ZMAT3: variants seen among roughly 807,000 people sequenced by gnomAD.
The protein encoded by ZMAT3 is zinc finger matrin-type protein 3.
In ZMAT3, 17 loss-of-function variants were observed where a neutral mutation model predicts 32.3. The ratio of observed to expected loss-of-function variants is 0.53; its 90% CI spans 0.36 to 0.79. The LOEUF is 0.79. Ranked by LOEUF, ZMAT3 falls within the 30% of genes least tolerant of loss-of-function variation. The pLI is 0.00. For synonymous variants in ZMAT3, 120 were observed against 133.1 expected (o/e 0.90, Z 0.68); for missense variants, 329 against 359.7 (o/e 0.91, Z 0.69).
chr3:179,034,263 T>C (rs1719462533), intron 2 of ZMAT3, among the ~76,000 whole-genome samples: 1 of 152,168 alleles, frequency 6.6e-6, no homozygotes, highest in Admixed American at 6.5e-5. Flanking sequence ...CTAAGATCCA[T>C]CTTCTCCTCA....
intron 2 of ZMAT3, among the ~76,000 whole-genome samples, chr3:179,045,296 T>C (rs1481133776): frequency 6.6e-6 from 1 of 152,170 alleles, no homozygotes; most frequent in Non-Finnish European, 1.5e-5. Context: ...GTTCTAGGTA[T>C]TACGAAACAG....
chr3:179,025,570 C>A, intron 5 of ZMAT3, among the ~76,000 whole-genome samples: 1 of 152,068 alleles, frequency 6.6e-6, no homozygotes, highest in Non-Finnish European at 1.5e-5. Flanking sequence ...CCCTTTAATC[C>A]AAAAATTCTA....
chr3:179,052,868 C>T (rs1720640608), intron 2 of ZMAT3, among the ~76,000 whole-genome samples: 2 of 152,182 alleles, frequency 1.3e-5, no homozygotes, highest in Non-Finnish European at 2.9e-5. Flanking sequence ...TGGCTCACAC[C>T]TGTCATCCCA....
At chr3:179,059,745 G>A (rs1721054834) in intron 2 of ZMAT3, among the ~76,000 whole-genome samples, 1 of 152,124 alleles carries the variant, frequency 6.6e-6, no homozygotes, top group African/African-American at 2.4e-5. Context: ...CCCCTACTAT[G>A]CCCTGATTCA....
In ZMAT3 at chr3:179,023,723, T is replaced by A. The variant is rs1303927304; in HGVS notation, c.*1294A>T. ...ATATATATATATATTTTTTTTTTTT[T>A]TTTTTTTTTTTTTTTGAGACGGAGT... On this transcript the variant is annotated 3_prime_UTR_variant, in exon 6 of 6. Coordinates refer to ENST00000311417, the MANE Select transcript of ZMAT3 (RefSeq NM_022470.4). 3.5e-4 allele frequency: 15 copies of A among 43,148 alleles called. 3 individuals carry two copies. In the South Asian group the frequency reaches 6.0e-3, roughly 17 times the overall value. The allele number at this position is 43,148 out of a possible 1,614,324, so 2.7% of individuals were successfully genotyped here.
chr3:179,035,231 T>G (rs958291802), intron 2 of ZMAT3, among the ~76,000 whole-genome samples: 19 of 152,344 alleles, frequency 1.2e-4, no homozygotes, highest in African/African-American at 3.4e-4. Context: ...AAATCTTACC[T>G]ATAAGGCCCT....
intron 2 of ZMAT3, among the ~76,000 whole-genome samples, chr3:179,048,981 T>C (rs1240274283): frequency 6.6e-6 from 1 of 152,170 alleles, no homozygotes; most frequent in African/African-American, 2.4e-5. Flanking sequence ...TGAAAAAAGA[T>C]ATTCTATGCA....
intron 2 of ZMAT3, among the ~76,000 whole-genome samples, chr3:179,051,775 C>G (rs1576865099): frequency 1.3e-5 from 2 of 152,194 alleles, no homozygotes; most frequent in Admixed American, 6.5e-5. Flanking sequence ...TGACTTCAAA[C>G]TATAGCATAC....
chr3:179,055,426 G>A (rs1428301642), intron 2 of ZMAT3, among the ~76,000 whole-genome samples: 1 of 151,980 alleles, frequency 6.6e-6, no homozygotes, highest in Non-Finnish European at 1.5e-5. Context: ...TAAAAAGTGT[G>A]GTTTATGCCC....
Position 179,067,583 on chromosome 3 carries a change from C to G in ZMAT3, c.170G>C (p.Gly57Ala), listed in dbSNP as rs561576526. ...CTCCTCCAGGGCACAGTCTTGCTCC[C>G]CTCCCTTCGATAACTCTTCTTCCCC... is the stretch of plus-strand genomic sequence containing the variant. ...LAGEEELSKG[G>A]EQDCALEELC... Residue 57 changes from glycine to alanine, a missense_variant, in exon 2 of 6, where the codon GGG becomes GCG. Transcript: ENST00000311417. 3.0e-4 allele frequency: 491 copies of G among 1,614,168 alleles called. 7 individuals are homozygous for G. The South Asian group carries it at 5.0e-3, about 16-fold the overall frequency.
At chr3:179,040,952 C>A (rs1032792278) in intron 2 of ZMAT3, among the ~76,000 whole-genome samples, 17 of 150,232 alleles carry the variant, frequency 1.1e-4, no homozygotes, top group Non-Finnish European at 1.5e-5. Context: ...ATAAAACAGA[C>A]TTTAAATCAA....
At chr3:179,070,068 A>G (rs1225764316) in intron 1 of ZMAT3, among the ~76,000 whole-genome samples, 1 of 152,102 alleles carries the variant, frequency 6.6e-6, no homozygotes, top group Non-Finnish European at 1.5e-5. Flanking sequence ...AAAGCTACTG[A>G]TGTCAAATTG....
chr3:179,047,479 C>A (rs971876261), intron 2 of ZMAT3, among the ~76,000 whole-genome samples: 4 of 152,328 alleles, frequency 2.6e-5, no homozygotes, highest in African/African-American at 7.2e-5. Flanking sequence ...CACCTTAGCT[C>A]ACCAGCAGTG....
In ZMAT3 at chr3:179,021,206, C is replaced by G. The variant is rs1379456444; in HGVS notation, c.*3811G>C. The G allele has an allele frequency of 6.6e-6, 1 of 152,106 alleles. No homozygotes were observed. Among genetic ancestry groups the G allele is most frequent in the Non-Finnish European group, 1.5e-5 (1 of 68,014 alleles). 9.4% of individuals were successfully genotyped at this position (152,106 alleles called of 1,614,324 possible). A position where few individuals can be genotyped will look rare whatever the true frequency, so the allele number is the denominator to read the frequency against. ...CAGGCAGACAAACATAAACAACATG[C>G]ACATATTTACAAGTTGCAGGACATG... On this transcript the variant is annotated 3_prime_UTR_variant, in exon 6 of 6. Coordinates refer to ENST00000311417, the MANE Select transcript of ZMAT3 (RefSeq NM_022470.4).
At chr3:179,066,747 C>A (rs192320261) in intron 2 of ZMAT3, among the ~76,000 whole-genome samples, 144 of 152,332 alleles carry the variant, frequency 9.5e-4, no homozygotes, top group African/African-American at 3.2e-3. Flanking sequence ...CCGTCTCTTG[C>A]TAACCAAAGT....
Position 179,019,172 on chromosome 3 carries a change from T to C in ZMAT3, c.*5845A>G, listed in dbSNP as rs1718419069. ...AAACTTTAAAATTTATGACAAGCAC[T>C]TAAAAATGACCAATTCTAAAATAAA... On this transcript the variant is annotated 3_prime_UTR_variant, in exon 6 of 6. Coordinates refer to ENST00000311417, the MANE Select transcript of ZMAT3 (RefSeq NM_022470.4). 1 of 151,984 alleles carries C rather than the reference T, an allele frequency of 6.6e-6. No homozygotes were observed. The highest frequency in any genetic ancestry group is 2.4e-5 in the African/African-American group (1 of 41,390). The allele number at this position is 151,984 out of a possible 1,614,324, so 9.4% of individuals were successfully genotyped here. A position where few individuals can be genotyped will look rare whatever the true frequency, so the allele number is the denominator to read the frequency against.
At chr3:179,033,037 G>A (rs953356683) in intron 2 of ZMAT3, among the ~76,000 whole-genome samples, 1 of 152,232 alleles carries the variant, frequency 6.6e-6, no homozygotes, top group East Asian at 1.9e-4. Context: ...CGGTTTTGTC[G>A]AATAGAAAAG....
chr3:179,031,855 G>A (rs955190157), intron 2 of ZMAT3, among the ~76,000 whole-genome samples: 10 of 150,500 alleles, frequency 6.6e-5, no homozygotes, highest in African/African-American at 1.7e-4. Flanking sequence ...TGCAGTGAGC[G>A]GAAATCACAC....
rs1012398878 is a variant in ZMAT3, at chr3:179,019,582, T to C, written c.*5435A>G. 1 of 152,180 alleles carries C rather than the reference T, an allele frequency of 6.6e-6. No homozygotes were observed. Among genetic ancestry groups the C allele is most frequent in the Non-Finnish European group, 1.5e-5 (1 of 68,014 alleles). 9.4% of individuals were successfully genotyped at this position (152,180 alleles called of 1,614,324 possible). On this transcript the variant is annotated 3_prime_UTR_variant, in exon 6 of 6. Transcript: ENST00000311417. ...TCAACTTTGATATATGTCTGAAAATTTTCTTGAGAAAATGTTGAGGAACAT... is the reference window on the plus strand; with the variant it reads ...TCAACTTTGATATATGTCTGAAAATCTTCTTGAGAAAATGTTGAGGAACAT...
Sources: gnomAD v4.1 joint callset for allele counts (sites outside exome capture counted in the v4.1 genomes callset) on GRCh38, gnomAD v4.1.1 for gene constraint, MANE v1.5 for transcripts, NCBI Gene and HGNC (gene_info 2026-07-23, HGNC 2026-07-21) for gene names.